The following ATP10D variants were observed in gnomAD, a reference collection of about 807,000 sequenced individuals.
ATP10D encodes phospholipid-transporting ATPase VD.
In ATP10D, 89 loss-of-function variants were observed where a neutral mutation model predicts 144.8. The observed-to-expected ratio is 0.61, with a 90% confidence interval of 0.52 to 0.73. The LOEUF (loss-of-function observed/expected upper bound fraction) is 0.73, where lower values mean the gene tolerates loss of function less well. ATP10D is among the 30% of genes least tolerant of loss of function. The pLI is 0.00. For synonymous variants in ATP10D, 571 were observed against 615.1 expected, an observed-to-expected ratio of 0.93 and a Z score of 1.06; for missense variants, 1,603 against 1,714.8, an observed-to-expected ratio of 0.93 and a Z score of 1.15.
chr4:47,566,515 A>G (rs1214777609), intron 15 of ATP10D, among the ~76,000 whole-genome samples: 1 of 152,078 alleles, frequency 6.6e-6, no homozygotes, highest in Non-Finnish European at 1.5e-5. Flanking sequence ...GACATAGAAG[A>G]TAAATTATCT....
rs920551138 is a variant in ATP10D at position 47,591,968 on chromosome 4, T to A, written c.*587T>A. ...TTTTATTTCCTATGGGAAGATGCTT[T>A]TGGTCTTCTGGCTGAAGATGTAGGC... is the stretch of plus-strand genomic sequence containing the variant. On this transcript the variant is annotated 3_prime_UTR_variant, in exon 23 of 23. Coordinates refer to ENST00000273859, the MANE Select transcript of ATP10D (RefSeq NM_020453.4). The A allele has an allele frequency of 6.6e-6, 1 of 152,136 alleles. No individual in the cohort carries two copies. Among genetic ancestry groups the A allele is most frequent in the African/African-American group, 2.4e-5 (1 of 41,434 alleles). 9.4% of individuals were successfully genotyped at this position (152,136 alleles called of 1,614,324 possible).
rs973476828 is a variant in ATP10D, at chr4:47,542,769, G to A, written c.1397-3855G>A. On this transcript the variant is annotated intron_variant, in intron 9 of 22. Transcript: ENST00000273859. ...GCTGGGATTGCAGGCCTGAGCCACC[G>A]GGCCTGGCCTATTTCCTTTTCATAG... Among the ~76,000 whole-genome samples, 4 of 152,266 alleles carry A rather than the reference G, an allele frequency of 2.6e-5. No individual in the cohort carries two copies. The East Asian group carries it at 5.8e-4, about 22-fold the overall frequency.
Position 47,592,603 on chromosome 4 carries a change from T to G in ATP10D, c.*1222T>G, listed in dbSNP as rs568162681. 6.6e-6 allele frequency: 1 copy of G among 152,560 alleles called. No individual in the cohort carries two copies. The highest frequency in any genetic ancestry group is 1.9e-4 in the East Asian group (1 of 5,190). 9.5% of individuals were successfully genotyped at this position (152,560 alleles called of 1,614,324 possible). On this transcript the variant is annotated 3_prime_UTR_variant, in exon 23 of 23. Transcript: ENST00000273859. The stretch of plus-strand genomic sequence containing the variant: ...ATCTCTATTTATTATATTTGAAAGT[T>G]GTCAGCCACCAGTCATCCAGAATTT...
chr4:47,576,529 G>T lies in ATP10D; in HGVS notation c.3367-244G>T, dbSNP rs1463850692. Reference sequence around the variant, plus strand: ...GATGATTAAATGAATTATTCCTAAAGCACTTAGAACAATGCTAGCACCACA... The same window carrying T: ...GATGATTAAATGAATTATTCCTAAATCACTTAGAACAATGCTAGCACCACA... On this transcript the variant is annotated intron_variant, in intron 18 of 22. Coordinates refer to ENST00000273859, the MANE Select transcript of ATP10D (RefSeq NM_020453.4). Among the ~76,000 whole-genome samples the T allele has an allele frequency of 2.0e-5, 3 of 152,156 alleles. No individual in the cohort carries two copies. In the East Asian group the frequency reaches 5.8e-4, roughly 29 times the overall value.
At chr4:47,503,964 G>A (rs563835802) in intron 1 of ATP10D, among the ~76,000 whole-genome samples, 239 of 152,068 alleles carry the variant, frequency 1.6e-3, no homozygotes, top group Non-Finnish European at 2.2e-3. Context: ...TCAATGTTAT[G>A]GGTGACATAT....
intron 1 of ATP10D, among the ~76,000 whole-genome samples, chr4:47,492,896 A>G (rs769878775): frequency 2.0e-5 from 3 of 152,168 alleles, no homozygotes; most frequent in Admixed American, 6.5e-5. Context: ...TTTAGTCTCT[A>G]ATGTGCTTAT....
chr4:47,517,186 G>A (rs1405690891), intron 3 of ATP10D, among the ~76,000 whole-genome samples: 1 of 152,160 alleles, frequency 6.6e-6, no homozygotes, highest in Non-Finnish European at 1.5e-5. Flanking sequence ...GGCTGAGGTG[G>A]CTGGATTGCA....
rs1335445003 is a variant in ATP10D at position 47,546,779 on chromosome 4, G to A, written c.1552G>A (p.Ala518Thr). 4 of 1,613,814 alleles carry A rather than the reference G, an allele frequency of 2.5e-6. No individual in the cohort carries two copies. Among genetic ancestry groups the A allele is most frequent in the Non-Finnish European group, 3.4e-6 (4 of 1,179,990 alleles). Residue 518 changes from alanine (A) to threonine (T), a missense_variant, in exon 10 of 23, where the codon GCT becomes ACT. Transcript: ENST00000273859. ...GGGAAATAAGCCCTCAAATCATCTTGCTGGGAGCTCTTTTACTCTAGGAAG... is the reference window on the plus strand; with the variant it reads ...GGGAAATAAGCCCTCAAATCATCTTACTGGGAGCTCTTTTACTCTAGGAAG... ...PLGNKPSNHLAGSSFTLGSGE... is the reference protein window; with the variant it reads ...PLGNKPSNHLTGSSFTLGSGE...
At chr4:47,505,207 T>C (rs1715955613) in intron 1 of ATP10D, among the ~76,000 whole-genome samples, 1 of 152,226 alleles carries the variant, frequency 6.6e-6, no homozygotes. Context: ...TAGCTGAGGT[T>C]ACACATTCAA....
intron 3 of ATP10D, among the ~76,000 whole-genome samples, chr4:47,522,503 C>T (rs1192423006): frequency 6.6e-6 from 1 of 152,214 alleles, no homozygotes. Flanking sequence ...GGCTCAGTAA[C>T]TAAATTTTCA....
chr4:47,558,024 G>A lies in ATP10D; in HGVS notation c.2185G>A (p.Asp729Asn). ...CNLCYEAESPDEAALVYAARA... is the reference protein window; with the variant it reads ...CNLCYEAESPNEAALVYAARA... ...CCTGTGTTATGAGGCCGAGAGCCCA[G>A]ACGAAGCGGCCTTAGTGTATGCCGC... Residue 729 changes from aspartate to asparagine, a missense_variant, in exon 12 of 23, where the codon GAC becomes AAC. By Grantham distance (23) the Asp-to-Asn change is conservative. Transcript: ENST00000273859. 1 of 1,614,206 alleles carries A rather than the reference G, an allele frequency of 6.2e-7. No individual in the cohort carries two copies. Among genetic ancestry groups the A allele is most frequent in the Non-Finnish European group, 8.5e-7 (1 of 1,180,016 alleles).
chr4:47,555,808 C>G (rs915324096), intron 11 of ATP10D, among the ~76,000 whole-genome samples: 2 of 151,734 alleles, frequency 1.3e-5, no homozygotes, highest in African/African-American at 2.4e-5. Flanking sequence ...GGCTGGAGCG[C>G]AGTGGCGTGA....
At chr4:47,547,615 T>C (rs1189217531) in intron 10 of ATP10D, 2 of 152,130 alleles carry the variant, frequency 1.3e-5, no homozygotes, top group African/African-American at 4.8e-5. Context: ...AAAATGAGGA[T>C]TTCCCAGCCA....
At chr4:47,503,707 G>C (rs1288693347) in intron 1 of ATP10D, among the ~76,000 whole-genome samples, 1 of 151,824 alleles carries the variant, frequency 6.6e-6, no homozygotes, top group Non-Finnish European at 1.5e-5. Context: ...GACCAACCTG[G>C]GCAGTATAGA....
intron 18 of ATP10D, among the ~76,000 whole-genome samples, chr4:47,574,668 C>T (rs760158820): frequency 2.0e-5 from 3 of 152,128 alleles, no homozygotes; most frequent in African/African-American, 4.8e-5. Flanking sequence ...AGATAGATCA[C>T]GAGGTCAAGA....
chr4:47,585,999 T>C (rs1212999451), intron 21 of ATP10D, among the ~76,000 whole-genome samples: 2 of 152,260 alleles, frequency 1.3e-5, no homozygotes, highest in Non-Finnish European at 2.9e-5. Flanking sequence ...TCCTTTCTTT[T>C]GGGTGTACAA....
rs1719254579 is a variant in ATP10D, at chr4:47,560,776, G to A, written c.2542-173G>A. ...AGTGTTGCACTAGTCTGACCACAGA[G>A]TTTGGGAAGCTAGTGTCCAGGTGGT... is the stretch of plus-strand genomic sequence containing the variant. On this transcript the variant is annotated intron_variant, in intron 13 of 22. Coordinates refer to ENST00000273859, the MANE Select transcript of ATP10D (RefSeq NM_020453.4). Among the ~76,000 whole-genome samples, 4 of 144,042 alleles carry A rather than the reference G, an allele frequency of 2.8e-5. No individual in the cohort carries two copies. The South Asian group carries it at 8.9e-4, about 32-fold the overall frequency. 94.5% of individuals were successfully genotyped at this position (144,042 alleles called of 152,430 possible).
chr4:47,496,167 T>C (rs949585363), intron 1 of ATP10D, among the ~76,000 whole-genome samples: 8 of 150,046 alleles, frequency 5.3e-5, no homozygotes, highest in African/African-American at 2.0e-4. Flanking sequence ...TTTTTTTTTT[T>C]TTTTTTTGAG....
chr4:47,495,892 C>T (rs888706236), intron 1 of ATP10D, among the ~76,000 whole-genome samples: 1 of 152,134 alleles, frequency 6.6e-6, no homozygotes, highest in Non-Finnish European at 1.5e-5. Context: ...CATGCGCCAC[C>T]GCGCCTGGCT....
Sources: gnomAD v4.1 joint callset for allele counts (sites outside exome capture counted in the v4.1 genomes callset) on GRCh38, gnomAD v4.1.1 for gene constraint, MANE v1.5 for transcripts, NCBI Gene and HGNC (gene_info 2026-07-23, HGNC 2026-07-21) for gene names.